ZFYVE21: variants seen among roughly 807,000 people sequenced by gnomAD.
ZFYVE21 encodes the protein zinc finger FYVE-type containing 21.
In ZFYVE21, 21 loss-of-function variants were observed where a neutral mutation model predicts 29.5. The ratio of observed to expected loss-of-function variants is 0.71; its 90% CI spans 0.50 to 1.02. ZFYVE21 has a LOEUF of 1.02. Among genes scored for constraint, ZFYVE21 ranks in the 50% least tolerant of loss-of-function variants. The probability of loss-of-function intolerance (pLI) is 0.00; values close to 1 mark genes in which losing one functional copy is unlikely to be tolerated. For synonymous variants in ZFYVE21, 151 were observed against 133.8 expected, an observed-to-expected ratio of 1.13 and a Z score of -0.89; for missense variants, 326 against 335.4, an observed-to-expected ratio of 0.97 and a Z score of 0.22.
At chr14:103,730,009 G>A (rs2083960285) in intron 5 of ZFYVE21, 1 of 759,180 alleles carries the variant, frequency 1.3e-6, no homozygotes, top group Non-Finnish European at 2.1e-6. Flanking sequence ...CTGATAAGTG[G>A]GTTTATAAAG....
intron 1 of ZFYVE21, chr14:103,726,446 G>C (rs2083925303): frequency 4.8e-6 from 1 of 207,462 alleles, no homozygotes; most frequent in African/African-American, 2.3e-5. Context: ...GGCTAAAAAG[G>C]CGTTGTTAAG....
chr14:103,717,758 G>A (rs1432065586), intron 1 of ZFYVE21, among the ~76,000 whole-genome samples: 1 of 152,118 alleles, frequency 6.6e-6, no homozygotes, highest in Non-Finnish European at 1.5e-5. Context: ...TGGGATCTGA[G>A]CAGCTGAGGG....
chr14:103,728,383 C>G (rs1195828661), intron 3 of ZFYVE21, among the ~76,000 whole-genome samples: 2 of 152,174 alleles, frequency 1.3e-5, no homozygotes, highest in Middle Eastern at 3.2e-3. Flanking sequence ...ACGAGCAGCG[C>G]CTTCTCCCCA....
At chr14:103,730,189 C>A (rs1158267937) in intron 5 of ZFYVE21, 3 of 300,662 alleles carry the variant, frequency 1.0e-5, no homozygotes, top group African/African-American at 6.5e-5. Context: ...TGCCCTTCCC[C>A]CCGAGGCCTG....
intron 6 of ZFYVE21, 63 bp from the exon 7 acceptor site, chr14:103,732,920 G>A: frequency 1.2e-6 from 2 of 1,613,360 alleles, no homozygotes; most frequent in Admixed American, 3.3e-5. Flanking sequence ...ATGCACACAG[G>A]CTTGGCTCCA....
chr14:103,722,080 G>C (rs887198071), intron 1 of ZFYVE21, among the ~76,000 whole-genome samples: 1 of 152,202 alleles, frequency 6.6e-6, no homozygotes, highest in Non-Finnish European at 1.5e-5. Flanking sequence ...CTGGTCTGGG[G>C]CCCGGCTTGC....
At position 103,722,900 on chromosome 14, in the gene ZFYVE21, T is replaced by G. The variant is rs928476060; in HGVS notation, c.139-3892T>G. Among the ~76,000 whole-genome samples, 5 of 152,146 alleles carry G rather than the reference T, an allele frequency of 3.3e-5. No homozygotes were observed. In the East Asian group the frequency reaches 9.7e-4, roughly 30 times the overall value. ...CTTGGGCTCAAGTGATCCTCCTGCCTCAGCCTCCCAAAGTGCTGGGATTAC... is the reference window on the plus strand; with the variant it reads ...CTTGGGCTCAAGTGATCCTCCTGCCGCAGCCTCCCAAAGTGCTGGGATTAC... On this transcript the variant is annotated intron_variant, in intron 1 of 6. Transcript: ENST00000311141.
rs934767972 is a variant in ZFYVE21 at position 103,730,215 on chromosome 14, G to T, written c.526+1033G>T. ...CCGAGGCCTGCTGCTCCCCAGCTCA[G>T]TGTGGCCTCCTGGGACCCCTGACTC... On this transcript the variant is annotated intron_variant, in intron 5 of 6. Coordinates refer to ENST00000311141, the MANE Select transcript of ZFYVE21 (RefSeq NM_024071.4). 6.0e-5 allele frequency: 15 copies of T among 251,924 alleles called. No individual in the cohort carries two copies. In the South Asian group the frequency reaches 7.2e-4, roughly 12 times the overall value. The allele number at this position is 251,924 out of a possible 1,614,324, so 15.6% of individuals were successfully genotyped here. A position where few individuals can be genotyped will look rare whatever the true frequency, so the allele number is the denominator to read the frequency against.
chr14:103,727,360 G>GCCCCCCGCCCCCCCTGCCCCCCCC, intron 2 of ZFYVE21: 1 of 358,082 alleles, frequency 2.8e-6, no homozygotes. Context: ...GCACCCACCT[G>GCCCCCCGCCCCCCCTGCCCCCCCC]CCCCCCGCCC....
At chr14:103,727,384 C>T (rs928545805) in intron 2 of ZFYVE21, 29 of 386,928 alleles carry the variant, frequency 7.5e-5, no homozygotes, top group African/African-American at 2.5e-4. Flanking sequence ...CTGCCCCCTC[C>T]GCCCCGTCCC....
chr14:103,728,707 C>T (rs1303770205), intron 3 of ZFYVE21: 1 of 581,628 alleles, frequency 1.7e-6, no homozygotes, highest in Non-Finnish European at 3.1e-6. Context: ...TCTAGAGCAG[C>T]GCCTTTGGGT....
chr14:103,727,787 C>T lies in ZFYVE21; in HGVS notation c.231C>T (p.Cys77=), dbSNP rs750340402. The T allele has an allele frequency of 3.6e-5, 58 of 1,612,002 alleles. No homozygotes were observed. The East Asian group carries it at 1.2e-3, about 33-fold the overall frequency. The change falls in exon 3 of 7, where the codon TGC becomes TGT. Residue 77 remains cysteine (C), a synonymous_variant. Coordinates refer to ENST00000311141, the MANE Select transcript of ZFYVE21 (RefSeq NM_024071.4). ...GCGGGAAGTGCTTCTGCGACAGGTG[C>T]TGCAGCCAGAAGGTGCCGCTGCGGC... is the stretch of plus-strand genomic sequence containing the variant. ...RRCGKCFCDR[C]CSQKVPLRRM...
At position 103,729,086 on chromosome 14, in the gene ZFYVE21, T is replaced by G. The variant is rs2083952917; in HGVS notation, c.435-5T>G. 1 of 1,613,914 alleles carries G rather than the reference T, an allele frequency of 6.2e-7. No individual in the cohort carries two copies. The highest frequency in any genetic ancestry group is 8.5e-7 in the Non-Finnish European group (1 of 1,180,008). ...ACCCGATTTGGACACTTTTATTTGA[T>G]GTAGATACTTGTTTCTGGATGGAGA... On this transcript the variant is annotated splice_polypyrimidine_tract_variant and splice_region_variant and intron_variant, in intron 4 of 6. Coordinates refer to ENST00000311141, the MANE Select transcript of ZFYVE21 (RefSeq NM_024071.4).
intron 1 of ZFYVE21, among the ~76,000 whole-genome samples, chr14:103,720,331 C>T (rs2083862309): frequency 6.6e-6 from 1 of 152,192 alleles, no homozygotes; most frequent in Non-Finnish European, 1.5e-5. Flanking sequence ...ACGTGATTAT[C>T]TTTCAATAAA....
At position 103,716,093 on chromosome 14, in the gene ZFYVE21, C is replaced by A; in HGVS notation, c.138+114C>A. The A allele has an allele frequency of 9.8e-7, 1 of 1,018,052 alleles. No individual in the cohort carries two copies. Among genetic ancestry groups the A allele is most frequent in the Admixed American group, 5.0e-5 (1 of 20,150 alleles). The allele number at this position is 1,018,052 out of a possible 1,614,324, so 63.1% of individuals were successfully genotyped here. On this transcript the variant is annotated intron_variant, in intron 1 of 6. Transcript: ENST00000311141. The surrounding 1 kb of genome is among the most constrained non-coding windows in gnomAD (Gnocchi z 4.8). ...CTCCGCCTCCGGGCGGCCCCTTCCCCAGCCGGCCCCCGCCCCCGCTCTCTC... is the reference window on the plus strand; with the variant it reads ...CTCCGCCTCCGGGCGGCCCCTTCCCAAGCCGGCCCCCGCCCCCGCTCTCTC...
Position 103,722,825 on chromosome 14 carries a change from A to C in ZFYVE21, c.139-3967A>C, listed in dbSNP as rs376641837. On this transcript the variant is annotated intron_variant, in intron 1 of 6. Transcript: ENST00000311141. The stretch of plus-strand genomic sequence containing the variant: ...CAGACTCCGTCTCAAAAAAAAAAAA[A>C]TGTTCGTAGAGACAGGGTCTTGCTG... Among the ~76,000 whole-genome samples the C allele has an allele frequency of 6.0e-4, 91 of 151,792 alleles. 1 individual carries two copies. The East Asian group carries it at 0.016, about 27-fold the overall frequency.
chr14:103,732,503 C>T, intron 5 of ZFYVE21, 117 bp from the exon 6 acceptor site: 1 of 1,300,166 alleles, frequency 7.7e-7, no homozygotes, highest in Non-Finnish European at 1.0e-6. Context: ...CCCTCACTGC[C>T]AGGCTACTCT....
chr14:103,721,571 C>T (rs1050783989), intron 1 of ZFYVE21, among the ~76,000 whole-genome samples: 3 of 152,158 alleles, frequency 2.0e-5, no homozygotes, highest in East Asian at 1.9e-4. Flanking sequence ...TGGGCCCCGC[C>T]GTCCATCCTA....
At chr14:103,723,941 T>C (rs571882818) in intron 1 of ZFYVE21, among the ~76,000 whole-genome samples, 82 of 152,202 alleles carry the variant, frequency 5.4e-4, no homozygotes, top group East Asian at 1.5e-3. Flanking sequence ...GGCGGGGACA[T>C]GGTGAGGGTG....
Sources: allele counts gnomAD v4.1 joint callset (sites outside exome capture counted in the v4.1 genomes callset), GRCh38; gene constraint gnomAD v4.1.1; non-coding constraint Gnocchi (gnomAD v3.1); transcripts MANE v1.5; gene names NCBI Gene and HGNC (gene_info 2026-07-23, HGNC 2026-07-21).